Variants in AHCY observed in about 807,000 individuals in gnomAD.
AHCY encodes the protein S-adenosyl-L-homocysteine hydrolase.
AHCY carries 24 observed loss-of-function variants against 45.4 expected under a neutral mutation model. The observed-to-expected ratio is 0.53, with a 90% CI of 0.38 to 0.74. The LOEUF is 0.74. AHCY is among the 30% of genes least tolerant of loss of function. The pLI is 0.00. For missense variants in AHCY, 449 were observed against 594.1 expected, an observed-to-expected ratio of 0.76 and a Z score of 2.54; for synonymous variants, 245 against 235.1, an observed-to-expected ratio of 1.04 and a Z score of -0.39.
At chr20:34,271,317 G>A in the AHCY span, among the ~76,000 whole-genome samples, 1 of 152,116 alleles carries the variant, frequency 6.6e-6, no homozygotes, top group East Asian at 1.9e-4. Context: ...AAACTCTGCT[G>A]GTCTAATGAC....
chr20:34,290,980 G>A lies in AHCY; in HGVS notation c.559-42C>T. The A allele has an allele frequency of 6.3e-7, 1 of 1,595,634 alleles. No homozygotes were observed. The highest frequency in any genetic ancestry group is 1.7e-5 in the Admixed American group (1 of 59,742). ...TAAGGAGACAATAGGGGCAGGCAAG[G>A]CCCTGGGGCCAGGACAACTTGGCCT... On this transcript the variant is annotated intron_variant, in intron 5 of 9. Coordinates refer to ENST00000217426, the MANE Select transcript of AHCY (RefSeq NM_000687.4). This position sits in a 1 kb window ranked among gnomAD's most constrained non-coding sequence, Gnocchi z 4.5.
At chr20:34,238,928 C>A in the AHCY span, among the ~76,000 whole-genome samples, 6 of 152,166 alleles carry the variant, frequency 3.9e-5, no homozygotes, top group African/African-American at 1.4e-4. Flanking sequence ...CTTCAATAGA[C>A]TCCATGGCTT....
the AHCY span, among the ~76,000 whole-genome samples, chr20:34,257,456 G>T: frequency 6.6e-6 from 1 of 152,042 alleles, no homozygotes; most frequent in Admixed American, 6.6e-5. Context: ...TTGAAAAATG[G>T]TCTTTTTAGC....
At chr20:34,302,740 G>A (rs1402820856) in intron 1 of AHCY, 1 of 990,074 alleles carries the variant, frequency 1.0e-6, no homozygotes, top group Non-Finnish European at 1.2e-6. Context: ...CAAAGTCCCA[G>A]GGGAGAGGAG....
downstream of AHCY, among the ~76,000 whole-genome samples, chr20:34,276,606 T>C (rs1601628323): frequency 3.3e-5 from 5 of 151,342 alleles, no homozygotes; most frequent in South Asian, 1.0e-3. Flanking sequence ...CACCCGGGGG[T>C]CTTTAGAACC....
At chr20:34,310,697 T>G (rs1341653846) in intron 1 of AHCY, among the ~76,000 whole-genome samples, 1 of 152,248 alleles carries the variant, frequency 6.6e-6, no homozygotes, top group Non-Finnish European at 1.5e-5. Context: ...AGCCATTTTT[T>G]TGTTTAAATG....
intron 9 of AHCY, among the ~76,000 whole-genome samples, chr20:34,282,447 AC>A (rs2036034510): frequency 6.6e-6 from 1 of 152,206 alleles, no homozygotes; most frequent in Admixed American, 6.5e-5. Context: ...CAAATTCTTG[AC>A]CCACAGAAAC....
At chr20:34,250,575 A>G in the AHCY span, among the ~76,000 whole-genome samples, 1 of 152,068 alleles carries the variant, frequency 6.6e-6, no homozygotes, top group East Asian at 1.9e-4. Context: ...AGGCGGGCGG[A>G]TCACCTGAGA....
At chr20:34,293,869 C>T (rs896245613) in intron 3 of AHCY, 10 of 634,576 alleles carry the variant, frequency 1.6e-5, no homozygotes, top group Non-Finnish European at 2.6e-5. Flanking sequence ...GGTTACACGG[C>T]TTGACCTGGG....
At chr20:34,277,949 C>G (rs1454942392), downstream of AHCY, among the ~76,000 whole-genome samples, 1 of 152,142 alleles carries the variant, frequency 6.6e-6, no homozygotes, top group Non-Finnish European at 1.5e-5. Context: ...CCACCAACCA[C>G]AGGCCTCATC....
the AHCY span, among the ~76,000 whole-genome samples, chr20:34,249,322 T>C: frequency 1.3e-5 from 2 of 149,518 alleles, no homozygotes; most frequent in Admixed American, 1.3e-4. Flanking sequence ...CAATCCCCTA[T>C]CTCCTCGCCT....
chr20:34,266,028 G>A, the AHCY span, among the ~76,000 whole-genome samples: 2 of 151,846 alleles, frequency 1.3e-5, no homozygotes, highest in Non-Finnish European at 2.9e-5. Flanking sequence ...GCCTACCAAA[G>A]GCTCTAAATT....
chr20:34,285,405 G>A (rs779042412), intron 9 of AHCY, 35 bp downstream of exon 9: 24 of 1,610,998 alleles, frequency 1.5e-5, no homozygotes, highest in Middle Eastern at 3.5e-4. Context: ...GATTAGACAC[G>A]TGACCCTTGG....
intron 1 of AHCY, among the ~76,000 whole-genome samples, chr20:34,296,239 C>T (rs551522953): frequency 1.2e-4 from 19 of 152,292 alleles, no homozygotes; most frequent in African/African-American, 3.9e-4. Context: ...TTTTTGCAAG[C>T]AAGCACTCAC....
intron 1 of AHCY, among the ~76,000 whole-genome samples, chr20:34,297,734 T>C (rs2036621115): frequency 6.6e-6 from 1 of 152,182 alleles, no homozygotes; most frequent in Non-Finnish European, 1.5e-5. Flanking sequence ...ACAATCTCAC[T>C]TCCCAATTCA....
chr20:34,311,692 G>A (rs1284589911), exon 1 of AHCY: 1 of 152,578 alleles, frequency 6.6e-6, no homozygotes, highest in African/African-American at 2.4e-5. Flanking sequence ...CGCTGAGAAA[G>A]CCCGCTGATG....
chr20:34,261,328 G>A, the AHCY span, among the ~76,000 whole-genome samples: 1 of 151,928 alleles, frequency 6.6e-6, no homozygotes, highest in Non-Finnish European at 1.5e-5. Flanking sequence ...GGGAGACCCC[G>A]TCTCTACAGA....
chr20:34,265,445 G>C, the AHCY span, among the ~76,000 whole-genome samples: 6 of 151,914 alleles, frequency 3.9e-5, no homozygotes, highest in South Asian at 2.1e-4. Context: ...AATCGCTTGA[G>C]CCTGGGATAT....
intron 8 of AHCY, among the ~76,000 whole-genome samples, chr20:34,289,960 C>T (rs1205357): frequency 0.71 from 107,799 of 152,060 alleles, 43,377 homozygotes; most frequent in Non-Finnish European, 0.89. Context: ...ATCCTGACCC[C>T]ACATGCCGTC....
Sources: allele counts gnomAD v4.1 joint callset (sites outside exome capture counted in the v4.1 genomes callset), GRCh38; gene constraint gnomAD v4.1.1; non-coding constraint Gnocchi (gnomAD v3.1); transcripts MANE v1.5; gene names NCBI Gene and HGNC (gene_info 2026-07-23, HGNC 2026-07-21).